RORA: variants seen among roughly 807,000 people sequenced by gnomAD.
RORA encodes nuclear receptor ROR-alpha.
RORA carries 7 observed loss-of-function variants against 69.5 expected under a neutral mutation model. The observed-to-expected ratio is 0.10, with a 90% confidence interval of 0.06 to 0.19. RORA has a LOEUF of 0.19. Among genes scored for constraint, RORA ranks in the 10% least tolerant of loss-of-function variants. RORA has a pLI of 1.00. For synonymous variants in RORA, 261 were observed against 240.8 expected, an observed-to-expected ratio of 1.08 and a Z score of -0.78; for missense variants, 457 against 663.0, an observed-to-expected ratio of 0.69 and a Z score of 3.41.
At chr15:60,597,095 A>T (rs2068683079) in intron 2 of RORA, among the ~76,000 whole-genome samples, 1 of 152,162 alleles carries the variant, frequency 6.6e-6, no homozygotes, top group Admixed American at 6.5e-5. Context: ...CTGGTTGCCC[A>T]TTGAAAAGAT....
chr15:61,109,948 C>A (rs945127757), intron 1 of RORA, among the ~76,000 whole-genome samples: 1 of 152,136 alleles, frequency 6.6e-6, no homozygotes, highest in Non-Finnish European at 1.5e-5. Flanking sequence ...CAATAAGGGA[C>A]CAAATATGAC....
intron 1 of RORA, among the ~76,000 whole-genome samples, chr15:60,773,685 A>G (rs944383700): frequency 2.6e-5 from 4 of 152,230 alleles, no homozygotes; most frequent in Non-Finnish European, 5.9e-5. Context: ...AAGGTCACAC[A>G]GTGGCAGAAG....
At chr15:60,901,008 C>A (rs2140467643) in intron 1 of RORA, among the ~76,000 whole-genome samples, 1 of 152,262 alleles carries the variant, frequency 6.6e-6, no homozygotes, top group Middle Eastern at 3.4e-3. Context: ...TTCCACCTCT[C>A]CTTAGGTGTG....
At chr15:60,521,969 TA>T in intron 3 of RORA, among the ~76,000 whole-genome samples, 1 of 152,108 alleles carries the variant, frequency 6.6e-6, no homozygotes, top group South Asian at 2.1e-4. Flanking sequence ...ACTTTTTCTT[TA>T]AAAAAAATGA....
intron 1 of RORA, among the ~76,000 whole-genome samples, chr15:61,001,361 G>A (rs1894739348): frequency 6.6e-6 from 1 of 152,250 alleles, no homozygotes; most frequent in South Asian, 2.1e-4. Flanking sequence ...TCTGCTTCCT[G>A]GCTGAGTAAG....
chr15:60,565,265 T>C (rs1203968211), intron 2 of RORA, among the ~76,000 whole-genome samples: 1 of 152,226 alleles, frequency 6.6e-6, no homozygotes, highest in Non-Finnish European at 1.5e-5. Context: ...ATTTTTAAAG[T>C]TGCTTTTTCT....
chr15:61,034,114 G>C (rs1342619662), intron 1 of RORA, among the ~76,000 whole-genome samples: 2 of 152,108 alleles, frequency 1.3e-5, no homozygotes, highest in Non-Finnish European at 2.9e-5. Context: ...ATGAAGGCTT[G>C]CCAAAGCTAT....
At chr15:60,866,673 A>G (rs114732693) in intron 1 of RORA, among the ~76,000 whole-genome samples, 4,994 of 152,164 alleles carry the variant, frequency 0.033, 119 homozygotes, top group African/African-American at 0.064. Context: ...CTACATGACA[A>G]AGCTGCCATA....
chr15:60,573,018 T>C (rs1023327369), intron 2 of RORA, among the ~76,000 whole-genome samples: 1 of 152,164 alleles, frequency 6.6e-6, no homozygotes, highest in Non-Finnish European at 1.5e-5. Flanking sequence ...AGTAAGTACA[T>C]GAGTGTGGGC....
intron 3 of RORA, among the ~76,000 whole-genome samples, chr15:60,522,914 A>C (rs1286307620): frequency 1.3e-5 from 2 of 151,850 alleles, no homozygotes; most frequent in Non-Finnish European, 2.9e-5. Context: ...TACTAAAAAC[A>C]CAAAAATTAG....
intron 1 of RORA, among the ~76,000 whole-genome samples, chr15:61,038,116 A>G (rs188772835): frequency 6.6e-6 from 1 of 152,334 alleles, no homozygotes; most frequent in African/African-American, 2.4e-5. Flanking sequence ...CAAAGAGAGA[A>G]AGAGTCCTAG....
chr15:60,652,608 C>T (rs1249241245), intron 2 of RORA, among the ~76,000 whole-genome samples: 1 of 152,148 alleles, frequency 6.6e-6, no homozygotes, highest in Non-Finnish European at 1.5e-5. Context: ...CTCAAATCCC[C>T]TATGCGGAAG....
At chr15:61,170,137 G>T (rs1184743103) in intron 1 of RORA, among the ~76,000 whole-genome samples, 1 of 152,112 alleles carries the variant, frequency 6.6e-6, no homozygotes, top group East Asian at 1.9e-4. Flanking sequence ...TTCCTGTATT[G>T]GTTTCCTGTG....
chr15:61,013,891 A>C (rs1335204913), intron 1 of RORA, among the ~76,000 whole-genome samples: 2 of 141,780 alleles, frequency 1.4e-5, no homozygotes, highest in Non-Finnish European at 3.0e-5. Context: ...TCACGCCATT[A>C]TCCTGCCTCA....
intron 2 of RORA, chr15:60,593,035 G>A: frequency 2.3e-6 from 1 of 441,020 alleles, no homozygotes; most frequent in South Asian, 1.6e-5. Flanking sequence ...AGCTCTAATC[G>A]GAAGGTACGG....
rs1345507932 is a variant in RORA at position 61,147,907 on chromosome 15, T to C, written c.166+81146A>G. Among the ~76,000 whole-genome samples, 2 of 152,136 alleles carry C rather than the reference T, an allele frequency of 1.3e-5. No individual in the cohort carries two copies. The highest frequency in any genetic ancestry group is 2.9e-5 in the Non-Finnish European group (2 of 68,030). On this transcript the variant is annotated intron_variant, in intron 1 of 10. Coordinates refer to ENST00000335670, the MANE Select transcript of RORA (RefSeq NM_134261.3). This position sits in a 1 kb window ranked among gnomAD's most constrained non-coding sequence, Gnocchi z 4.1. ...TTGGCAGGGCAGGAACAAGGATAGT[T>C]CATCCAGAATTACCTTAAGAAATAG...
intron 2 of RORA, among the ~76,000 whole-genome samples, chr15:60,675,365 T>G (rs1596116249): frequency 6.6e-6 from 1 of 152,288 alleles, no homozygotes. Context: ...GAAAATTAAA[T>G]TGCAATTCCA....
chr15:61,153,411 G>C (rs942336991), intron 1 of RORA, among the ~76,000 whole-genome samples: 1 of 152,196 alleles, frequency 6.6e-6, no homozygotes, highest in African/African-American at 2.4e-5. Flanking sequence ...AAGGACATGG[G>C]AGTGTGAATG....
At chr15:61,079,014 A>G (rs1057209742) in intron 1 of RORA, among the ~76,000 whole-genome samples, 18 of 152,190 alleles carry the variant, frequency 1.2e-4, no homozygotes, top group African/African-American at 4.3e-4. Context: ...AGTGGTAGGT[A>G]CAAGTGATTA....
Sources: allele counts gnomAD v4.1 joint callset (sites outside exome capture counted in the v4.1 genomes callset), GRCh38; gene constraint gnomAD v4.1.1; non-coding constraint Gnocchi (gnomAD v3.1); transcripts MANE v1.5; gene names NCBI Gene and HGNC (gene_info 2026-07-23, HGNC 2026-07-21).